The following CLIP2 variants were observed in gnomAD, a reference collection of about 807,000 sequenced individuals.
CLIP2 encodes CAP-Gly domain containing linker protein 2, also known as CAP-Gly domain-containing linker protein 2.
A neutral mutation model predicts 111.7 loss-of-function variants in CLIP2; 41 were observed. The ratio of observed to expected loss-of-function variants is 0.37; its 90% confidence interval spans 0.29 to 0.48. CLIP2 has a LOEUF of 0.48. Ranked by LOEUF, CLIP2 falls within the 20% of genes least tolerant of loss-of-function variation. CLIP2 has a pLI of 0.99. For missense variants in CLIP2, 1,160 were observed against 1,422.1 expected, an observed-to-expected ratio of 0.82 and a Z score of 2.96; for synonymous variants, 660 against 644.2, an observed-to-expected ratio of 1.02 and a Z score of -0.37.
intron 1 of CLIP2, among the ~76,000 whole-genome samples, chr7:74,294,223 C>T (rs912506738): frequency 2.6e-5 from 4 of 152,200 alleles, no homozygotes; most frequent in African/African-American, 9.6e-5. Context: ...TGAGCCACTG[C>T]GCCCAGCCAG....
At position 74,343,911 on chromosome 7, in the gene CLIP2, A is replaced by AAG. The variant is rs1226145613; in HGVS notation, c.678+4921_678+4922dup. 3.5e-4 allele frequency among the ~76,000 whole-genome samples: 53 copies of AAG among 151,556 alleles called. No individual in the cohort carries two copies. In the East Asian group the frequency reaches 9.3e-3, roughly 27 times the overall value. On this transcript the variant is annotated intron_variant, in intron 3 of 16. Coordinates refer to ENST00000223398, the MANE Select transcript of CLIP2 (RefSeq NM_003388.5). ...GAGTGAGACGCTGTCTTAAAAAAAA[A>AAG]AGAGAGAGAGAGAGAACTGGTGGAT... is the stretch of plus-strand genomic sequence containing the variant.
chr7:74,398,020 C>T (rs896509811), intron 14 of CLIP2, among the ~76,000 whole-genome samples: 10 of 150,626 alleles, frequency 6.6e-5, no homozygotes, highest in African/African-American at 1.2e-4. Context: ...TCTGCAGAGA[C>T]GGGTTGGGGT....
chr7:74,289,464 G>C lies in CLIP2; in HGVS notation c.-338G>C, dbSNP rs1554725050. 1 of 150,950 alleles carries C rather than the reference G, an allele frequency of 6.6e-6. No individual in the cohort carries two copies. The highest frequency in any genetic ancestry group is 1.5e-5 in the Non-Finnish European group (1 of 67,608). The allele number at this position is 150,950 out of a possible 1,614,324, so 9.4% of individuals were successfully genotyped here. ...CTCCGCTGGCTCCGCTGGCTCCGCG[G>C]GCGCTCAGCTCGGCTCGGCCGCGGG... is the stretch of plus-strand genomic sequence containing the variant. On this transcript the variant is annotated 5_prime_UTR_variant, in exon 1 of 17. Coordinates refer to ENST00000223398, the MANE Select transcript of CLIP2 (RefSeq NM_003388.5).
intron 8 of CLIP2, among the ~76,000 whole-genome samples, chr7:74,366,264 C>G (rs1554310828): frequency 1.3e-5 from 2 of 152,114 alleles, no homozygotes; most frequent in Non-Finnish European, 2.9e-5. Context: ...ATTCCAACTC[C>G]CCAGCCTCCT....
chr7:74,332,018 C>T (rs2116540227), intron 2 of CLIP2, among the ~76,000 whole-genome samples: 1 of 152,112 alleles, frequency 6.6e-6, no homozygotes, highest in East Asian at 1.9e-4. Context: ...GGGTGGGGGG[C>T]ACCATGTAGA....
Position 74,400,385 on chromosome 7 carries a change from C to A in CLIP2, c.2896C>A (p.Leu966Met). 1 of 1,609,682 alleles carries A rather than the reference C, an allele frequency of 6.2e-7. No homozygotes were observed. The highest frequency in any genetic ancestry group is 1.1e-5 in the South Asian group (1 of 90,532). The change falls in exon 15 of 17, where the codon CTG becomes ATG. Residue 966 changes from leucine (L) to methionine (M), a missense_variant. Coordinates refer to ENST00000223398, the MANE Select transcript of CLIP2 (RefSeq NM_003388.5). The stretch of plus-strand genomic sequence containing the variant: ...CCACTTCCAGGACAAAGAGAAATCC[C>A]TGTCGGATCAGAGGCGCTACTCCCT... Reference protein sequence around the residue: ...KLTGLDKEKSLSDQRRYSLID... With the variant: ...KLTGLDKEKSMSDQRRYSLID...
intron 8 of CLIP2, among the ~76,000 whole-genome samples, chr7:74,369,010 T>G (rs1400363249): frequency 6.6e-6 from 1 of 151,872 alleles, no homozygotes; most frequent in Non-Finnish European, 1.5e-5. Flanking sequence ...AGGCCAGGAG[T>G]TAGAGACCAG....
chr7:74,373,492 C>T (rs1357482569), intron 9 of CLIP2, among the ~76,000 whole-genome samples: 6 of 151,952 alleles, frequency 3.9e-5, no homozygotes, highest in Non-Finnish European at 8.8e-5. Context: ...AGTGAGACTC[C>T]GCCTCAAAAA....
intron 1 of CLIP2, among the ~76,000 whole-genome samples, chr7:74,308,126 G>T (rs2116478646): frequency 6.6e-6 from 1 of 152,304 alleles, no homozygotes; most frequent in Admixed American, 6.5e-5. Flanking sequence ...AGACTTCCTG[G>T]AGGAGGTGGC....
chr7:74,340,426 G>A (rs1584341781), intron 3 of CLIP2, among the ~76,000 whole-genome samples: 1 of 152,060 alleles, frequency 6.6e-6, no homozygotes, highest in East Asian at 1.9e-4. Context: ...AGTGGTAATG[G>A]TTATAACCCC....
chr7:74,393,668 T>C (rs1791358899), intron 13 of CLIP2, among the ~76,000 whole-genome samples: 1 of 152,176 alleles, frequency 6.6e-6, no homozygotes, highest in African/African-American at 2.4e-5. Flanking sequence ...GTTAAAGGAA[T>C]CTCTTTGAAG....
intron 1 of CLIP2, among the ~76,000 whole-genome samples, chr7:74,308,129 G>C (rs2116478661): frequency 6.6e-6 from 1 of 152,332 alleles, no homozygotes; most frequent in East Asian, 1.9e-4. Context: ...CTTCCTGGAG[G>C]AGGTGGCATC....
intron 8 of CLIP2, among the ~76,000 whole-genome samples, chr7:74,366,874 T>TA (rs1790480784): frequency 1.6e-5 from 1 of 61,870 alleles, no homozygotes. Flanking sequence ...AGACTCCTTC[T>TA]CAAAAAAAAA....
intron 1 of CLIP2, among the ~76,000 whole-genome samples, chr7:74,305,856 C>CT (rs1788469629): frequency 1.5e-5 from 1 of 66,982 alleles, no homozygotes; most frequent in Non-Finnish European, 2.9e-5. Context: ...TGCACCCCAA[C>CT]CCCCCCCCAC....
chr7:74,351,426 CAAAAAAAA>C (rs55952428), intron 3 of CLIP2, among the ~76,000 whole-genome samples: 2 of 65,938 alleles, frequency 3.0e-5, no homozygotes, highest in Non-Finnish European at 6.9e-5. Context: ...ATTCCAGTGT[CAAAAAAAA>C]AAAAAAAAAA....
At chr7:74,323,885 A>G (rs1313588158) in intron 2 of CLIP2, among the ~76,000 whole-genome samples, 3 of 152,244 alleles carry the variant, frequency 2.0e-5, no homozygotes, top group Admixed American at 2.0e-4. Flanking sequence ...TGTTCACAGG[A>G]CAACAAAATC....
Position 74,376,102 on chromosome 7 carries a change from C to A in CLIP2, c.1701C>A (p.Tyr567Ter). 1 of 1,611,242 alleles carries A rather than the reference C, an allele frequency of 6.2e-7. No individual in the cohort carries two copies. Among genetic ancestry groups the A allele is most frequent in the Non-Finnish European group, 8.5e-7 (1 of 1,178,890 alleles). The change falls in exon 10 of 17, where the codon TAC (tyrosine) becomes TAA (stop). Residue 567 changes from tyrosine to a stop codon, truncating the protein, a stop_gained. Coordinates refer to ENST00000223398, the MANE Select transcript of CLIP2 (RefSeq NM_003388.5). LOFTEE classifies it high-confidence loss of function. The surrounding 1 kb of genome is among the most constrained non-coding windows in gnomAD (Gnocchi z 7.1). ...QRESGVLRDK[Y>*]EKALKAYQAE... ...AGAGTGGGGTGCTGCGGGATAAATA[C>A]GAGAAGGCCCTGAAGGCCTACCAGG...
intron 2 of CLIP2, among the ~76,000 whole-genome samples, chr7:74,328,500 A>G (rs1420957404): frequency 1.3e-5 from 2 of 152,088 alleles, no homozygotes; most frequent in Admixed American, 6.6e-5. Flanking sequence ...GGGGGTGTGC[A>G]GACATGCACC....
At chr7:74,314,978 C>G (rs929923419) in intron 1 of CLIP2, among the ~76,000 whole-genome samples, 3 of 152,174 alleles carry the variant, frequency 2.0e-5, no homozygotes, top group Admixed American at 1.3e-4. Context: ...TGTGCTTCAT[C>G]ATAAGGACAC....
Sources: gnomAD v4.1 joint callset for allele counts (sites outside exome capture counted in the v4.1 genomes callset) on GRCh38, gnomAD v4.1.1 for gene constraint, Gnocchi (gnomAD v3.1) non-coding constraint, MANE v1.5 for transcripts, NCBI Gene and HGNC (gene_info 2026-07-23, HGNC 2026-07-21) for gene names.